The following CACNA2D3 variants were observed in gnomAD, a reference collection of about 807,000 sequenced individuals.
The protein encoded by CACNA2D3 is voltage-dependent calcium channel subunit alpha-2/delta-3.
Under a neutral mutation model 160.6 loss-of-function variants are expected in CACNA2D3, and 60 were observed. That is an observed-to-expected ratio of 0.37 (90% CI 0.30 to 0.46). The LOEUF (loss-of-function observed/expected upper bound fraction) is 0.46. CACNA2D3 is among the 20% of genes least tolerant of loss of function. The pLI is 1.00. For missense variants in CACNA2D3, 1,205 were observed against 1,365.0 expected (o/e 0.88, Z 1.85); for synonymous variants, 558 against 492.9 (o/e 1.13, Z -1.75).
intron 2 of CACNA2D3, among the ~76,000 whole-genome samples, chr3:54,205,012 A>G (rs1406924360): frequency 2.6e-5 from 4 of 152,222 alleles, no homozygotes; most frequent in African/African-American, 4.8e-5. Flanking sequence ...AATCCAGTAG[A>G]TGGTCTGGAG....
intron 9 of CACNA2D3, among the ~76,000 whole-genome samples, chr3:54,620,124 GA>G (rs756802568): frequency 2.6e-5 from 4 of 152,156 alleles, no homozygotes; most frequent in Non-Finnish European, 4.4e-5. Context: ...AGCTTATCTG[GA>G]AGTCTCACTG....
At chr3:54,205,946 T>C (rs1230359688) in intron 2 of CACNA2D3, among the ~76,000 whole-genome samples, 1 of 152,234 alleles carries the variant, frequency 6.6e-6, no homozygotes, top group Non-Finnish European at 1.5e-5. Context: ...ATTTGGGATG[T>C]ACTTACATCA....
chr3:54,530,695 C>A (rs1701792411), intron 5 of CACNA2D3, among the ~76,000 whole-genome samples: 1 of 152,176 alleles, frequency 6.6e-6, no homozygotes, highest in African/African-American at 2.4e-5. Context: ...GTTCCATCCC[C>A]CTCATTTTAT....
intron 2 of CACNA2D3, among the ~76,000 whole-genome samples, chr3:54,145,684 A>T (rs725991): frequency 0.084 from 12,848 of 152,192 alleles, 701 homozygotes; most frequent in Middle Eastern, 0.13. Flanking sequence ...CACCCAGTGC[A>T]GGGCGCAGCA....
intron 2 of CACNA2D3, among the ~76,000 whole-genome samples, chr3:54,167,250 A>G (rs1700476738): frequency 6.6e-6 from 1 of 152,182 alleles, no homozygotes. Flanking sequence ...CCAGGTATAT[A>G]GTTGATCCAC....
At chr3:54,425,961 C>T (rs1235791329) in intron 4 of CACNA2D3, among the ~76,000 whole-genome samples, 2 of 152,252 alleles carry the variant, frequency 1.3e-5, no homozygotes, top group African/African-American at 4.8e-5. Context: ...AATCAGCATA[C>T]TCCTAGCCTC....
At chr3:54,601,159 C>T (rs1703052943) in intron 9 of CACNA2D3, among the ~76,000 whole-genome samples, 1 of 152,100 alleles carries the variant, frequency 6.6e-6, no homozygotes, top group South Asian at 2.1e-4. Context: ...TGGTGGATGA[C>T]CAAAACTTGG....
At chr3:54,231,984 C>T (rs2107393812) in intron 2 of CACNA2D3, among the ~76,000 whole-genome samples, 1 of 152,340 alleles carries the variant, frequency 6.6e-6, no homozygotes, top group South Asian at 2.1e-4. Context: ...TTGGCTCAGC[C>T]CCCGACTCTG....
At chr3:54,440,784 G>A (rs960179789) in intron 4 of CACNA2D3, among the ~76,000 whole-genome samples, 26 of 152,014 alleles carry the variant, frequency 1.7e-4, no homozygotes, top group Non-Finnish European at 3.1e-4. Flanking sequence ...ATGGTTTCCA[G>A]CTTCATCCAT....
chr3:54,465,240 G>T (rs910074629), intron 4 of CACNA2D3, among the ~76,000 whole-genome samples: 7 of 151,394 alleles, frequency 4.6e-5, no homozygotes, highest in Non-Finnish European at 1.0e-4. Context: ...TTCAGATCAT[G>T]TATTGTTTTC....
At chr3:54,420,215 G>A (rs921953614) in intron 4 of CACNA2D3, among the ~76,000 whole-genome samples, 4 of 152,152 alleles carry the variant, frequency 2.6e-5, no homozygotes, top group African/African-American at 4.8e-5. Flanking sequence ...CTCCTGAGTA[G>A]CTGGGTCTAC....
intron 4 of CACNA2D3, among the ~76,000 whole-genome samples, chr3:54,450,747 G>A (rs920903924): frequency 2.0e-5 from 3 of 151,928 alleles, no homozygotes; most frequent in Non-Finnish European, 2.9e-5. Context: ...ACCCAGCCTT[G>A]GGTATTCCTT....
intron 2 of CACNA2D3, among the ~76,000 whole-genome samples, chr3:54,245,347 G>T (rs1205245308): frequency 6.6e-6 from 1 of 151,966 alleles, no homozygotes; most frequent in Non-Finnish European, 1.5e-5. Flanking sequence ...GATTGAGAGA[G>T]AGTGCGAGAG....
intron 11 of CACNA2D3, 26 bp from the exon 12 acceptor site, chr3:54,752,573 C>T (rs374964414): frequency 1.1e-4 from 177 of 1,582,542 alleles, no homozygotes; most frequent in Middle Eastern, 1.0e-3. Context: ...GAATGCCGCT[C>T]AGCCATGCGT....
chr3:54,873,535 A>G (rs1699589517), intron 18 of CACNA2D3, among the ~76,000 whole-genome samples: 1 of 151,930 alleles, frequency 6.6e-6, no homozygotes, highest in African/African-American at 2.4e-5. Context: ...TTTAGTAATC[A>G]CAGTTTGGGA....
intron 35 of CACNA2D3, among the ~76,000 whole-genome samples, chr3:55,052,299 T>A (rs1704244751): frequency 6.6e-6 from 1 of 152,178 alleles, no homozygotes; most frequent in African/African-American, 2.4e-5. Flanking sequence ...GGAGCATTCT[T>A]TGTATAATTT....
intron 10 of CACNA2D3, among the ~76,000 whole-genome samples, chr3:54,629,351 C>T (rs1250104921): frequency 6.6e-6 from 1 of 152,154 alleles, no homozygotes; most frequent in African/African-American, 2.4e-5. Context: ...TGACTTTTTA[C>T]TACTCAGCTA....
chr3:54,749,564 A>G (rs1165940939), intron 11 of CACNA2D3, among the ~76,000 whole-genome samples: 2 of 152,334 alleles, frequency 1.3e-5, no homozygotes, highest in East Asian at 3.9e-4. Context: ...TGTGTGAAAA[A>G]AAAACCTGCA....
At chr3:54,350,966 C>CGGTTTTTTTTTTTTTTTTTT (rs1559457706) in intron 3 of CACNA2D3, among the ~76,000 whole-genome samples, 1 of 63,284 alleles carries the variant, frequency 1.6e-5, no homozygotes, top group Non-Finnish European at 3.6e-5. Flanking sequence ...GATCTTGAGT[C>CGGTTTTTTTTTTTTTTTTTT]TGTTTTTTTT....
Sources: gnomAD v4.1 joint callset for allele counts (sites outside exome capture counted in the v4.1 genomes callset) on GRCh38, gnomAD v4.1.1 for gene constraint, MANE v1.5 for transcripts, NCBI Gene and HGNC (gene_info 2026-07-23, HGNC 2026-07-21) for gene names.